Variants in CFAP251 observed in about 807,000 individuals in gnomAD.
CFAP251 encodes cilia and flagella associated protein 251.
A neutral mutation model predicts 126.7 loss-of-function variants in CFAP251; 93 were observed. The observed-to-expected ratio is 0.73, with a 90% CI of 0.62 to 0.87. The LOEUF is 0.87. CFAP251 is among the 40% of genes least tolerant of loss of function. CFAP251 has a pLI of 0.00. For missense variants in CFAP251, 1,287 were observed against 1,389.2 expected (o/e 0.93, Z 1.17); for synonymous variants, 503 against 506.9 (o/e 0.99, Z 0.10).
At chr12:121,977,321 ATAT>A (rs910232802) in intron 19 of CFAP251, among the ~76,000 whole-genome samples, 1 of 152,220 alleles carries the variant, frequency 6.6e-6, no homozygotes, top group African/African-American at 2.4e-5. Flanking sequence ...TGTCATTGCA[ATAT>A]TATTAAGTGC....
intron 7 of CFAP251, among the ~76,000 whole-genome samples, chr12:121,943,452 G>T (rs967447047): frequency 6.6e-6 from 1 of 152,154 alleles, no homozygotes; most frequent in Non-Finnish European, 1.5e-5. Flanking sequence ...TTTCGCTCTT[G>T]TTGCCCAGGC....
intron 19 of CFAP251, among the ~76,000 whole-genome samples, chr12:121,987,268 C>A (rs942283150): frequency 6.6e-6 from 1 of 151,590 alleles, no homozygotes; most frequent in Non-Finnish European, 1.5e-5. Flanking sequence ...GGAGGCCTTC[C>A]TGGCCAACAG....
rs541011835 is a variant in CFAP251 at position 121,956,565 on chromosome 12, G to A, written c.1536-509G>A. On this transcript the variant is annotated intron_variant, in intron 10 of 21. Coordinates refer to ENST00000288912, the MANE Select transcript of CFAP251 (RefSeq NM_144668.6). ...GGCTGGAGTGCAATGATGCAATCTC[G>A]GCTCACTGCAAGCTCCGCCTTCCAT... Among the ~76,000 whole-genome samples, 7 of 152,128 alleles carry A rather than the reference G, an allele frequency of 4.6e-5. No homozygotes were observed. In the South Asian group the frequency reaches 8.3e-4, roughly 18 times the overall value.
chr12:121,941,347 T>C (rs1302474136), intron 5 of CFAP251, among the ~76,000 whole-genome samples: 3 of 149,586 alleles, frequency 2.0e-5, no homozygotes, highest in Non-Finnish European at 3.0e-5. Context: ...TTTTTTTTTT[T>C]TTTTGAGGCA....
intron 2 of CFAP251, among the ~76,000 whole-genome samples, chr12:121,922,997 A>T (rs184954033): frequency 6.6e-6 from 1 of 150,972 alleles, no homozygotes; most frequent in Admixed American, 6.6e-5. Context: ...GGGTTTCACC[A>T]TGTTAGCCAG....
intron 5 of CFAP251, among the ~76,000 whole-genome samples, chr12:121,940,994 A>G (rs2135761903): frequency 6.6e-6 from 1 of 152,146 alleles, no homozygotes; most frequent in Non-Finnish European, 1.5e-5. Flanking sequence ...TTTTGAAGGC[A>G]GCAAAGTTTT....
chr12:121,990,471 C>T (rs561539789), intron 19 of CFAP251, among the ~76,000 whole-genome samples: 2 of 152,140 alleles, frequency 1.3e-5, no homozygotes, highest in African/African-American at 4.8e-5. Flanking sequence ...TGCATGGGCT[C>T]GGGGTGGGCA....
At chr12:121,993,883 C>T (rs1178096543) in intron 19 of CFAP251, among the ~76,000 whole-genome samples, 7 of 108,258 alleles carry the variant, frequency 6.5e-5, no homozygotes, top group Admixed American at 8.8e-5. Context: ...GCCGCCCCGT[C>T]CGGGAGGTGA....
At chr12:121,934,502 T>A (rs139082308) in intron 5 of CFAP251, 146 bp downstream of exon 5, 2 of 592,294 alleles carry the variant, frequency 3.4e-6, no homozygotes, top group Non-Finnish European at 5.9e-6. Context: ...TGACTCACAC[T>A]AACCTAGCTC....
chr12:121,979,705 C>G (rs1378957372), intron 19 of CFAP251, among the ~76,000 whole-genome samples: 1 of 151,788 alleles, frequency 6.6e-6, no homozygotes, highest in Non-Finnish European at 1.5e-5. Flanking sequence ...ACTGGGATTA[C>G]AGGCATGCAC....
chr12:121,939,541 T>A (rs1407154425), intron 5 of CFAP251, among the ~76,000 whole-genome samples: 1 of 152,182 alleles, frequency 6.6e-6, no homozygotes, highest in Admixed American at 6.5e-5. Flanking sequence ...CCACTGTTTT[T>A]TCCTTATTTG....
chr12:121,998,720 C>G (rs1183549759), intron 19 of CFAP251: 1 of 123,478 alleles, frequency 8.1e-6, no homozygotes, highest in Non-Finnish European at 2.0e-5. Flanking sequence ...GAAACCCCGT[C>G]TCTAAAAAAA....
Position 121,942,688 on chromosome 12 carries a change from G to A in CFAP251, c.1110+43G>A, listed in dbSNP as rs550213509. ...TTGGGTCAGCATCAGCGAGCTGGCC[G>A]ACCTGTGCAGCGTGTCCCCATGGGC... On this transcript the variant is annotated intron_variant, in intron 6 of 21. Coordinates refer to ENST00000288912, the MANE Select transcript of CFAP251 (RefSeq NM_144668.6). 2.1e-5 allele frequency: 31 copies of A among 1,495,932 alleles called. No individual in the cohort carries two copies. The African/African-American group carries it at 3.6e-4, about 17-fold the overall frequency. The allele number at this position is 1,495,932 out of a possible 1,614,324, so 92.7% of individuals were successfully genotyped here.
intron 7 of CFAP251, chr12:121,948,160 T>G (rs1229029267): frequency 6.6e-6 from 1 of 152,178 alleles, no homozygotes; most frequent in Non-Finnish European, 1.5e-5. Flanking sequence ...TTTCCGTCAC[T>G]TCCATAGTTT....
chr12:121,944,385 G>A (rs1311910969), intron 7 of CFAP251, among the ~76,000 whole-genome samples: 1 of 152,096 alleles, frequency 6.6e-6, no homozygotes, highest in Admixed American at 6.5e-5. Context: ...AACCATATGT[G>A]GCTATTTAGG....
intron 17 of CFAP251, among the ~76,000 whole-genome samples, chr12:121,972,238 C>T (rs899144751): frequency 6.6e-6 from 1 of 152,174 alleles, no homozygotes; most frequent in African/African-American, 2.4e-5. Flanking sequence ...CAGAAGAAGA[C>T]AGGAAGATGT....
In CFAP251 at chr12:121,958,514, A is replaced by T. The variant is rs780763140; in HGVS notation, c.1973A>T (p.Asn658Ile). The change falls in exon 12 of 22, where the codon AAC (asparagine) becomes ATC (isoleucine). Residue 658 changes from asparagine (N) to isoleucine (I), a missense_variant. Coordinates refer to ENST00000288912, the MANE Select transcript of CFAP251 (RefSeq NM_144668.6). ...CTTGGAGTCCAGAGTCTGACCTACA[A>T]CCCCGAAGGTATTTTCATCTTATCA... ...KGLGVQSLTY[N>I]PEGALLGAGF... The T allele has an allele frequency of 6.2e-7, 1 of 1,614,126 alleles. No individual in the cohort carries two copies. Among genetic ancestry groups the T allele is most frequent in the Admixed American group, 1.7e-5 (1 of 60,020 alleles).
At chr12:121,973,332 A>G (rs986202015) in intron 17 of CFAP251, among the ~76,000 whole-genome samples, 6 of 152,246 alleles carry the variant, frequency 3.9e-5, no homozygotes, top group African/African-American at 1.4e-4. Context: ...AAACACCTTG[A>G]TGCCCAGGCA....
chr12:121,978,972 G>A (rs369359013), intron 19 of CFAP251, among the ~76,000 whole-genome samples: 3 of 152,034 alleles, frequency 2.0e-5, no homozygotes, highest in Non-Finnish European at 4.4e-5. Context: ...AGCATTTTAC[G>A]TGCCCATCTT....
Sources: allele counts gnomAD v4.1 joint callset (sites outside exome capture counted in the v4.1 genomes callset), GRCh38; gene constraint gnomAD v4.1.1; transcripts MANE v1.5; gene names NCBI Gene and HGNC (gene_info 2026-07-23, HGNC 2026-07-21).